Variants in ADAMTSL1 observed in about 807,000 individuals in gnomAD.
ADAMTSL1 encodes ADAMTS-like protein 1.
Under a neutral mutation model 201.8 loss-of-function variants are expected in ADAMTSL1, and 126 were observed. The observed-to-expected ratio is 0.62, with a 90% CI of 0.54 to 0.72. The LOEUF is 0.72. Ranked by LOEUF, ADAMTSL1 falls within the 30% of genes least tolerant of loss-of-function variation. The probability of loss-of-function intolerance (pLI) is 0.00; values close to 1 mark genes in which losing one functional copy is unlikely to be tolerated. For missense variants in ADAMTSL1, 2,679 were observed against 2,277.8 expected (o/e 1.18, Z -3.59); for synonymous variants, 1,121 against 903.4 (o/e 1.24, Z -4.32).
At chr9:18,031,703 T>C (rs1820963594) in intron 1 of ADAMTSL1, among the ~76,000 whole-genome samples, 1 of 152,206 alleles carries the variant, frequency 6.6e-6, no homozygotes, top group Admixed American at 6.5e-5. Context: ...TTGGCATTGT[T>C]CCTGCATTTC....
intron 4 of ADAMTSL1, among the ~76,000 whole-genome samples, chr9:18,583,647 T>A (rs575705922): frequency 5.3e-4 from 81 of 152,222 alleles, no homozygotes; most frequent in African/African-American, 1.9e-3. Context: ...TAAGCTGCAG[T>A]CACTCAACAC....
chr9:18,293,519 G>A (rs58226992), intron 2 of ADAMTSL1, among the ~76,000 whole-genome samples: 7,868 of 152,230 alleles, frequency 0.052, 685 homozygotes, highest in African/African-American at 0.18. Flanking sequence ...CAGGCCCTGG[G>A]TGCCAAGCTC....
intron 3 of ADAMTSL1, among the ~76,000 whole-genome samples, chr9:18,552,755 C>G (rs182465788): frequency 5.3e-5 from 8 of 151,666 alleles, no homozygotes; most frequent in Non-Finnish European, 8.9e-5. Flanking sequence ...AGAAGCTAAT[C>G]TTTCTTCATA....
At chr9:18,588,585 T>G (rs557175657) in intron 4 of ADAMTSL1, among the ~76,000 whole-genome samples, 2 of 152,202 alleles carry the variant, frequency 1.3e-5, no homozygotes, top group African/African-American at 4.8e-5. Flanking sequence ...AATTTTACAA[T>G]TTCAAGTCTT....
intron 4 of ADAMTSL1, among the ~76,000 whole-genome samples, chr9:18,585,752 TA>T (rs113018322): frequency 0.028 from 4,190 of 152,254 alleles, 128 homozygotes; most frequent in East Asian, 0.085. Flanking sequence ...AAAGCTAATT[TA>T]GCATGAGCAA....
chr9:18,818,116 A>G (rs1485163089), intron 21 of ADAMTSL1, among the ~76,000 whole-genome samples: 3 of 152,206 alleles, frequency 2.0e-5, no homozygotes, highest in Non-Finnish European at 2.9e-5. Flanking sequence ...TTTTCCCTTC[A>G]TGTAGACCAC....
At chr9:17,996,598 C>G (rs1005193281) in intron 1 of ADAMTSL1, among the ~76,000 whole-genome samples, 2 of 151,994 alleles carry the variant, frequency 1.3e-5, no homozygotes, top group Non-Finnish European at 2.9e-5. Context: ...TCTTATTGTA[C>G]TGGGTATTGT....
intron 1 of ADAMTSL1, among the ~76,000 whole-genome samples, chr9:18,151,286 ATT>A (rs1455494627): frequency 6.6e-6 from 1 of 152,054 alleles, no homozygotes; most frequent in African/African-American, 2.4e-5. Flanking sequence ...GTCACCACCA[ATT>A]GCTGAACATC....
rs10650608 is a variant in ADAMTSL1 at position 18,574,595 on chromosome 9, T to TTGTGTGTGTGTGTGTG, written c.474+337_474+352dup. ...CTATTCCTGAAGTGTGTGTTTGTGT[T>TTGTGTGTGTGTGTGTG]TGTGTGTGTGTGTGTGTGTGTGTAT... On this transcript the variant is annotated intron_variant, in intron 4 of 28. Coordinates refer to ENST00000380548, the MANE Select transcript of ADAMTSL1 (RefSeq NM_001040272.6). The TTGTGTGTGTGTGTGTG allele has an allele frequency of 9.3e-4, 316 of 339,926 alleles. 2 individuals carry two copies. Among genetic ancestry groups the TTGTGTGTGTGTGTGTG allele is most frequent in the Middle Eastern group, 8.1e-4 (1 of 1,236 alleles). The allele number at this position is 339,926 out of a possible 1,614,324, so 21.1% of individuals were successfully genotyped here.
chr9:18,838,195 A>AT (rs1341242289), intron 23 of ADAMTSL1, among the ~76,000 whole-genome samples: 1 of 152,072 alleles, frequency 6.6e-6, no homozygotes, highest in Non-Finnish European at 1.5e-5. Flanking sequence ...TCTCATTTTT[A>AT]AAACCATCAG....
At chr9:18,370,542 A>T (rs958525010) in intron 2 of ADAMTSL1, among the ~76,000 whole-genome samples, 1 of 152,184 alleles carries the variant, frequency 6.6e-6, no homozygotes, top group Non-Finnish European at 1.5e-5. Context: ...TCAATAAATG[A>T]TAGCTGTTCA....
At chr9:18,799,205 G>A (rs1251072243) in intron 20 of ADAMTSL1, among the ~76,000 whole-genome samples, 5 of 152,152 alleles carry the variant, frequency 3.3e-5, no homozygotes, top group Non-Finnish European at 5.9e-5. Context: ...ATTGCAGGGA[G>A]GAGATTATAG....
intron 2 of ADAMTSL1, among the ~76,000 whole-genome samples, chr9:18,332,409 G>C (rs143155282): frequency 8.5e-5 from 13 of 152,058 alleles, no homozygotes; most frequent in African/African-American, 2.9e-4. Flanking sequence ...CATAGTTTGA[G>C]TTTTGCCTTC....
At chr9:18,858,188 T>TTC (rs67224090) in intron 23 of ADAMTSL1, among the ~76,000 whole-genome samples, 122,421 of 151,992 alleles carry the variant, frequency 0.81, 49,546 homozygotes, top group African/African-American at 0.9. Flanking sequence ...ACAGGATTTA[T>TTC]TTTTTTCTTC....
intron 12 of ADAMTSL1, among the ~76,000 whole-genome samples, chr9:18,683,440 C>CCAG (rs1830642356): frequency 6.6e-6 from 1 of 151,786 alleles, no homozygotes; most frequent in African/African-American, 2.4e-5. Flanking sequence ...ACCTTGTTGC[C>CCAG]CAGGCTGGTC....
intron 23 of ADAMTSL1, among the ~76,000 whole-genome samples, chr9:18,878,265 C>G (rs573985047): frequency 6.6e-6 from 1 of 151,700 alleles, no homozygotes. Context: ...TTCTGTGCTC[C>G]TATCTGCACT....
At chr9:18,342,275 G>A (rs547207235) in intron 2 of ADAMTSL1, among the ~76,000 whole-genome samples, 1 of 152,202 alleles carries the variant, frequency 6.6e-6, no homozygotes, top group Non-Finnish European at 1.5e-5. Context: ...CTTCCTTTGA[G>A]TAATTGTTTT....
chr9:18,017,220 C>T (rs1212010668), intron 1 of ADAMTSL1, among the ~76,000 whole-genome samples: 8 of 151,972 alleles, frequency 5.3e-5, no homozygotes, highest in Non-Finnish European at 1.5e-5. Context: ...GTTAAAAGCC[C>T]TATAAAATAC....
intron 2 of ADAMTSL1, among the ~76,000 whole-genome samples, chr9:18,185,312 A>G (rs1443585310): frequency 1.3e-5 from 2 of 152,156 alleles, no homozygotes; most frequent in Admixed American, 6.6e-5. Context: ...GAAGCCAGCT[A>G]CCATGAGTTT....
Sources: gnomAD v4.1 joint callset for allele counts (sites outside exome capture counted in the v4.1 genomes callset) on GRCh38, gnomAD v4.1.1 for gene constraint, MANE v1.5 for transcripts, NCBI Gene and HGNC (gene_info 2026-07-23, HGNC 2026-07-21) for gene names.